Variants in NHS observed in about 807,000 individuals in gnomAD.
NHS encodes NHS actin remodeling regulator.
A neutral mutation model predicts 72.5 loss-of-function variants in NHS; 5 were observed. The observed-to-expected ratio is 0.07, with a 90% CI of 0.04 to 0.14. The LOEUF is 0.14. Among genes scored for constraint, NHS ranks in the 10% least tolerant of loss-of-function variants. The pLI is 1.00. For synonymous variants in NHS, 464 were observed against 547.7 expected, an observed-to-expected ratio of 0.85 and a Z score of 2.13; for missense variants, 1,072 against 1,355.7, an observed-to-expected ratio of 0.79 and a Z score of 3.29.
At chrX:17,511,919 A>G (rs1342551326) in intron 1 of NHS, among the ~76,000 whole-genome samples, 1 of 111,525 alleles carries the variant, frequency 9.0e-6, no homozygotes, top group Non-Finnish European at 1.9e-5. Context: ...ACCAGGACAC[A>G]AGAGGAGTTG....
intron 1 of NHS, among the ~76,000 whole-genome samples, chrX:17,479,254 T>C (rs921926741): frequency 8.9e-6 from 1 of 112,726 alleles, no homozygotes; most frequent in Non-Finnish European, 1.9e-5. Flanking sequence ...TATGGCTACA[T>C]AGTATTCCAT....
At chrX:17,518,028 C>T (rs2065129095) in intron 1 of NHS, among the ~76,000 whole-genome samples, 1 of 111,771 alleles carries the variant, frequency 8.9e-6, no homozygotes, top group African/African-American at 3.3e-5. Context: ...CAGTTTACAA[C>T]AGCAGATGTT....
chrX:17,712,731 T>C (rs2066342226), intron 3 of NHS, among the ~76,000 whole-genome samples: 1 of 109,856 alleles, frequency 9.1e-6, no homozygotes, highest in African/African-American at 3.3e-5. Flanking sequence ...CATTTTGGGC[T>C]TCTTTCTAAC....
At position 17,573,204 on chromosome X, in the gene NHS, A is replaced by C. The variant is rs1601780294; in HGVS notation, c.566-114538A>C. On this transcript the variant is annotated intron_variant, in intron 1 of 8. Coordinates refer to ENST00000676302, the MANE Select transcript of NHS (RefSeq NM_001291867.2). ...GTCTTTGTCGTGTTCTCTGTTATTT[A>C]CTGAATTTGAATGTTGGCCTGCCTT... 1.8e-5 allele frequency among the ~76,000 whole-genome samples: 2 copies of C among 110,751 alleles called. 1 individual carries two copies. Among genetic ancestry groups the C allele is most frequent in the South Asian group, 7.6e-4 (2 of 2,626 alleles).
chrX:17,393,378 G>A (rs1014773681), intron 1 of NHS, among the ~76,000 whole-genome samples: 19 of 111,863 alleles, frequency 1.7e-4, no homozygotes, highest in Middle Eastern at 4.6e-3. Flanking sequence ...CTAAAATAGC[G>A]AAAACCCGAT....
chrX:17,602,758 A>G (rs930756410), intron 1 of NHS, among the ~76,000 whole-genome samples: 20 of 106,881 alleles, frequency 1.9e-4, no homozygotes, highest in African/African-American at 6.9e-4. Flanking sequence ...GGCAATGTTT[A>G]TGGTTCTTTT....
At position 17,375,841 on chromosome X, in the gene NHS, C is replaced by G; in HGVS notation, c.84C>G (p.Ser28Arg). ...RPAPGPAVDA[S>R]GGSAEPPPPL... Reference sequence around the variant, plus strand: ...CGCCCGGCCCAGCAGTGGACGCGAGCGGAGGCAGCGCTGAGCCGCCGCCGC... The same window carrying G: ...CGCCCGGCCCAGCAGTGGACGCGAGGGGAGGCAGCGCTGAGCCGCCGCCGC... Residue 28 changes from serine (S) to arginine (R), a missense_variant, in exon 1 of 9, where the codon AGC (serine) becomes AGG (arginine). Transcript: ENST00000676302. 1 of 1,144,861 alleles carries G rather than the reference C, an allele frequency of 8.7e-7. No individual in the cohort carries two copies. The highest frequency in any genetic ancestry group is 1.2e-6 in the Non-Finnish European group (1 of 868,307). The allele number at this position is 1,144,861 out of a possible 1,213,427, so 94.3% of individuals were successfully genotyped here.
chrX:17,400,154 T>C (rs1601689067), intron 1 of NHS, among the ~76,000 whole-genome samples: 1 of 112,230 alleles, frequency 8.9e-6, no homozygotes. Flanking sequence ...TAATCTTGTA[T>C]GTAGAAAATT....
At chrX:17,692,568 G>A in intron 3 of NHS, 100 bp downstream of exon 3, 7 of 1,043,861 alleles carry the variant, frequency 6.7e-6, no homozygotes, top group Non-Finnish European at 9.4e-6. Flanking sequence ...AGGCTGGGCT[G>A]GCTAAGAGCT....
chrX:17,377,552 G>A (rs2064353243), intron 1 of NHS, among the ~76,000 whole-genome samples: 1 of 113,246 alleles, frequency 8.8e-6, no homozygotes. Context: ...GCGGGGCGGA[G>A]GCGCTTTGGA....
chrX:17,405,792 C>T, intron 1 of NHS, among the ~76,000 whole-genome samples: 1 of 111,945 alleles, frequency 8.9e-6, no homozygotes, highest in Non-Finnish European at 1.9e-5. Context: ...TGCATGCACC[C>T]AGCTGCCTGT....
chrX:17,534,223 G>A (rs990337101), intron 1 of NHS, among the ~76,000 whole-genome samples: 1 of 112,264 alleles, frequency 8.9e-6, no homozygotes, highest in Non-Finnish European at 1.9e-5. Flanking sequence ...TCATAGGATT[G>A]AGACTATGAG....
intron 1 of NHS, among the ~76,000 whole-genome samples, chrX:17,653,562 A>C (rs2065940391): frequency 9.0e-6 from 1 of 110,937 alleles, no homozygotes; most frequent in African/African-American, 3.3e-5. Flanking sequence ...AAAGGAGAAA[A>C]GACAGGGCCA....
intron 1 of NHS, among the ~76,000 whole-genome samples, chrX:17,611,724 CAGAG>C (rs1212363133): frequency 9.0e-6 from 1 of 110,769 alleles, no homozygotes; most frequent in African/African-American, 3.3e-5. Context: ...CTCAGGTACT[CAGAG>C]AAGAGATGAG....
At chrX:17,465,573 G>A (rs1357989200) in intron 1 of NHS, among the ~76,000 whole-genome samples, 1 of 96,750 alleles carries the variant, frequency 1.0e-5, no homozygotes, top group Admixed American at 1.2e-4. Context: ...GAAGAGGCAA[G>A]AATAGGGTTG....
In NHS at chrX:17,533,337, A is replaced by G. The variant is rs748649024; in HGVS notation, c.566-154405A>G. ...GGTTTTGCTCTGTCACCCAGGCTGG[A>G]GTGCGATGACACGATCATGGCTCAC... On this transcript the variant is annotated intron_variant, in intron 1 of 8. Transcript: ENST00000676302. Among the ~76,000 whole-genome samples, 6 of 111,703 alleles carry G rather than the reference A, an allele frequency of 5.4e-5. No homozygotes were observed. The South Asian group carries it at 2.2e-3, about 42-fold the overall frequency.
At chrX:17,669,083 A>G (rs1292373175) in intron 1 of NHS, among the ~76,000 whole-genome samples, 2 of 112,080 alleles carry the variant, frequency 1.8e-5, no homozygotes, top group African/African-American at 6.5e-5. Flanking sequence ...TCCTCTCTAA[A>G]ATAGCAACCC....
chrX:17,702,220 A>C (rs1486567261), intron 3 of NHS, among the ~76,000 whole-genome samples: 1 of 111,858 alleles, frequency 8.9e-6, no homozygotes, highest in African/African-American at 3.3e-5. Flanking sequence ...GAAAACAAAC[A>C]GCACCAAATA....
intron 1 of NHS, among the ~76,000 whole-genome samples, chrX:17,607,419 G>A (rs770584991): frequency 1.8e-5 from 2 of 111,660 alleles, no homozygotes; most frequent in African/African-American, 6.5e-5. Context: ...GTATGTCCTG[G>A]TCAGATTCTC....
Sources: allele counts gnomAD v4.1 joint callset (sites outside exome capture counted in the v4.1 genomes callset), GRCh38; gene constraint gnomAD v4.1.1; transcripts MANE v1.5; gene names NCBI Gene and HGNC (gene_info 2026-07-23, HGNC 2026-07-21).